Variants in TNRC6C observed in about 807,000 individuals in gnomAD.
The protein encoded by TNRC6C is trinucleotide repeat-containing gene 6C protein.
In TNRC6C, 20 loss-of-function variants were observed where a neutral mutation model predicts 153.7. The ratio of observed to expected loss-of-function variants is 0.13; its 90% CI spans 0.09 to 0.19. The LOEUF (loss-of-function observed/expected upper bound fraction) is 0.19. Among genes scored for constraint, TNRC6C ranks in the 10% least tolerant of loss-of-function variants. TNRC6C has a pLI of 1.00. For missense variants in TNRC6C, 1,987 were observed against 2,172.0 expected, an observed-to-expected ratio of 0.91 and a Z score of 1.69; for synonymous variants, 811 against 841.4, an observed-to-expected ratio of 0.96 and a Z score of 0.63.
Position 78,051,480 on chromosome 17 carries a change from T to TAA in TNRC6C, c.2395+40_2395+41dup, listed in dbSNP as rs201980311. 5.8e-3 allele frequency: 6,594 copies of TAA among 1,130,200 alleles called. 14 individuals carry two copies. Among genetic ancestry groups the TAA allele is most frequent in the Admixed American group, 9.6e-3 (226 of 23,638 alleles). The allele number at this position is 1,130,200 out of a possible 1,614,324, so 70.0% of individuals were successfully genotyped here. Reference sequence around the variant, plus strand: ...AAGGTATTTCATGTTTCTTTACAAGTAAAAAAAAAAAAAAAAAAGCTTATT... The same window carrying TAA: ...AAGGTATTTCATGTTTCTTTACAAGTAAAAAAAAAAAAAAAAAAAAGCTTATT... On this transcript the variant is annotated intron_variant, in intron 3 of 19. Transcript: ENST00000301624.
chr17:78,004,579 A>C (rs1478469915), upstream of TNRC6C, among the ~76,000 whole-genome samples: 5 of 152,212 alleles, frequency 3.3e-5, no homozygotes, highest in East Asian at 5.8e-4. Context: ...TAAATGAAGA[A>C]GGGCCATTCA....
chr17:77,989,159 T>G (rs1157020980), intron 1 of TNRC6C, among the ~76,000 whole-genome samples: 1 of 152,208 alleles, frequency 6.6e-6, no homozygotes, highest in Non-Finnish European at 1.5e-5. Context: ...GGCAGACCTT[T>G]GGAAGGATGG....
At chr17:78,071,049 C>T (rs773132346) in intron 5 of TNRC6C, 36 bp from the exon 8 acceptor site, 1 of 1,560,402 alleles carries the variant, frequency 6.4e-7, no homozygotes, top group Admixed American at 1.9e-5. Flanking sequence ...TAAAATGTAG[C>T]TCATGGACTT....
chr17:78,038,394 C>T (rs1233526704), intron 2 of TNRC6C, among the ~76,000 whole-genome samples: 1 of 152,130 alleles, frequency 6.6e-6, no homozygotes, highest in African/African-American at 2.4e-5. Flanking sequence ...TCCCTTGTGG[C>T]TGGGTGCGGT....
chr17:78,017,149 A>G (rs1395647877), intron 1 of TNRC6C, among the ~76,000 whole-genome samples: 2 of 152,032 alleles, frequency 1.3e-5, no homozygotes, highest in African/African-American at 4.8e-5. Flanking sequence ...GGGACATTTT[A>G]TTTCTTAAGC....
upstream of TNRC6C, among the ~76,000 whole-genome samples, chr17:78,003,285 T>A (rs959323915): frequency 6.6e-6 from 1 of 152,158 alleles, no homozygotes; most frequent in Non-Finnish European, 1.5e-5. Context: ...AACCAAGGGT[T>A]ACTACAGAGT....
intron 1 of TNRC6C, among the ~76,000 whole-genome samples, chr17:77,990,643 T>A (rs2071236299): frequency 6.6e-6 from 1 of 152,198 alleles, no homozygotes; most frequent in African/African-American, 2.4e-5. Context: ...ACCCTGCACT[T>A]CTTATTAGCA....
chr17:77,982,744 T>C (rs990970721), intron 1 of TNRC6C, among the ~76,000 whole-genome samples: 1 of 152,170 alleles, frequency 6.6e-6, no homozygotes, highest in African/African-American at 2.4e-5. Flanking sequence ...GGCAGGAGAA[T>C]TGTTTAAATC....
chr17:78,072,567 C>G (rs1002353538), intron 6 of TNRC6C, among the ~76,000 whole-genome samples: 5 of 152,222 alleles, frequency 3.3e-5, no homozygotes, highest in African/African-American at 1.2e-4. Context: ...TTTATGGAAT[C>G]ATTGCTACTC....
At chr17:78,059,476 A>T (rs1417573732) in intron 3 of TNRC6C, among the ~76,000 whole-genome samples, 1 of 152,204 alleles carries the variant, frequency 6.6e-6, no homozygotes, top group African/African-American at 2.4e-5. Context: ...GTGGCGTGAG[A>T]CGTGTGAACC....
At chr17:78,095,989 T>C (rs2073478892) in intron 16 of TNRC6C, among the ~76,000 whole-genome samples, 1 of 152,226 alleles carries the variant, frequency 6.6e-6, no homozygotes, top group Non-Finnish European at 1.5e-5. Context: ...AGGTCAAGGC[T>C]GCAGTGAGCT....
chr17:78,034,332 C>T (rs910446980), intron 2 of TNRC6C, among the ~76,000 whole-genome samples: 20 of 152,136 alleles, frequency 1.3e-4, no homozygotes, highest in Non-Finnish European at 1.5e-5. Flanking sequence ...GCTGTGATTC[C>T]AGGCGTGAGC....
At chr17:77,992,687 C>T (rs1410651531) in intron 1 of TNRC6C, among the ~76,000 whole-genome samples, 2 of 152,048 alleles carry the variant, frequency 1.3e-5, no homozygotes. Flanking sequence ...CACATGCTAG[C>T]GCAAAAAAGA....
At chr17:78,062,195 G>C (rs1191117684) in intron 3 of TNRC6C, among the ~76,000 whole-genome samples, 1 of 152,068 alleles carries the variant, frequency 6.6e-6, no homozygotes, top group East Asian at 1.9e-4. Context: ...TAATATTATA[G>C]TTAGCAATTG....
rs1259963841 is a variant in TNRC6C at position 78,079,190 on chromosome 17, A to G, written c.3211-205A>G. Among the ~76,000 whole-genome samples, 1 of 152,038 alleles carries G rather than the reference A, an allele frequency of 6.6e-6. No homozygotes were observed. The highest frequency in any genetic ancestry group is 1.5e-5 in the Non-Finnish European group (1 of 68,018). On this transcript the variant is annotated intron_variant, in intron 9 of 19. Transcript: ENST00000301624. The surrounding 1 kb of genome is among the most constrained non-coding windows in gnomAD (Gnocchi z 4.3). Reference sequence around the variant, plus strand: ...CTTGGACCCAGGAGGCAGAGGCTACAGTGAGCCAAGACCGCGCTACTGCAC... The same window carrying G: ...CTTGGACCCAGGAGGCAGAGGCTACGGTGAGCCAAGACCGCGCTACTGCAC...
At chr17:78,038,480 T>G (rs1286975674) in intron 2 of TNRC6C, among the ~76,000 whole-genome samples, 1 of 151,864 alleles carries the variant, frequency 6.6e-6, no homozygotes, top group Non-Finnish European at 1.5e-5. Flanking sequence ...GAGACCATCC[T>G]GGCTAACACG....
intron 3 of TNRC6C, among the ~76,000 whole-genome samples, chr17:78,060,776 G>C: frequency 6.6e-6 from 1 of 152,156 alleles, no homozygotes; most frequent in Non-Finnish European, 1.5e-5. Flanking sequence ...AAAAAGGACT[G>C]CCCATCACAC....
At chr17:78,102,429 A>T in intron 17 of TNRC6C, 45 bp from the exon 21 acceptor site, 1 of 1,560,996 alleles carries the variant, frequency 6.4e-7, no homozygotes, top group Non-Finnish European at 8.7e-7. Flanking sequence ...CGCACTATCC[A>T]CTGGCACGGG....
At chr17:78,007,480 C>T (rs2071541768) in intron 1 of TNRC6C, among the ~76,000 whole-genome samples, 1 of 152,198 alleles carries the variant, frequency 6.6e-6, no homozygotes, top group Non-Finnish European at 1.5e-5. Context: ...TGTCGGGTGA[C>T]ACAGGTTGGC....
Sources: gnomAD v4.1 joint callset for allele counts (sites outside exome capture counted in the v4.1 genomes callset) on GRCh38, gnomAD v4.1.1 for gene constraint, Gnocchi (gnomAD v3.1) non-coding constraint, MANE v1.5 for transcripts, NCBI Gene and HGNC (gene_info 2026-07-23, HGNC 2026-07-21) for gene names.